WARS2: variants seen among roughly 807,000 people sequenced by gnomAD.
WARS2 encodes tryptophan--tRNA ligase, mitochondrial.
WARS2 carries 28 observed loss-of-function variants against 36.5 expected under a neutral mutation model. The observed-to-expected ratio is 0.77, with a 90% CI of 0.57 to 1.05. The LOEUF (loss-of-function observed/expected upper bound fraction) is 1.05. WARS2 is among the 50% of genes least tolerant of loss of function. The pLI is 0.00. For synonymous variants in WARS2, 174 were observed against 178.4 expected (o/e 0.98, Z 0.20); for missense variants, 435 against 456.8 (o/e 0.95, Z 0.44).
At chr1:119,130,153 A>G (rs1280471531) in intron 1 of WARS2, among the ~76,000 whole-genome samples, 1 of 152,190 alleles carries the variant, frequency 6.6e-6, no homozygotes. Context: ...GAAAAAAAAA[A>G]AGGCAATGTC....
At chr1:119,072,271 C>T (rs1233270290) in intron 2 of WARS2, among the ~76,000 whole-genome samples, 1 of 152,162 alleles carries the variant, frequency 6.6e-6, no homozygotes, top group Non-Finnish European at 1.5e-5. Context: ...GTCTAATGTT[C>T]ATTTCCAGGC....
intron 1 of WARS2, among the ~76,000 whole-genome samples, chr1:119,106,772 T>C (rs1191423027): frequency 6.6e-6 from 1 of 152,172 alleles, no homozygotes; most frequent in African/African-American, 2.4e-5. Flanking sequence ...GCCACAAATA[T>C]CCACATGCAG....
intron 1 of WARS2, among the ~76,000 whole-genome samples, chr1:119,107,248 T>A (rs998072661): frequency 2.0e-5 from 3 of 152,144 alleles, no homozygotes; most frequent in African/African-American, 7.2e-5. Flanking sequence ...TCTCCTAGTC[T>A]GTGGTTTGAC....
At chr1:119,071,056 G>A (rs572598056) in intron 2 of WARS2, among the ~76,000 whole-genome samples, 17 of 152,152 alleles carry the variant, frequency 1.1e-4, no homozygotes, top group African/African-American at 2.9e-4. Context: ...GGTGGCAGGC[G>A]CCTGTAATCC....
At chr1:119,107,651 G>C (rs1421617600) in intron 1 of WARS2, among the ~76,000 whole-genome samples, 2 of 149,140 alleles carry the variant, frequency 1.3e-5, no homozygotes, top group Admixed American at 1.3e-4. Context: ...CACTCTTATA[G>C]TTGGAGAAAT....
intron 3 of WARS2, among the ~76,000 whole-genome samples, chr1:119,044,372 A>T (rs1648618648): frequency 6.6e-6 from 1 of 152,222 alleles, no homozygotes; most frequent in Admixed American, 6.5e-5. Context: ...TATAAAAAGG[A>T]TTTCAACATT....
intron 1 of WARS2, among the ~76,000 whole-genome samples, chr1:119,090,553 T>G (rs966233473): frequency 1.3e-5 from 2 of 152,174 alleles, no homozygotes; most frequent in Non-Finnish European, 2.9e-5. Context: ...AAAAAACGCA[T>G]GTCATTTTTC....
At chr1:119,102,961 T>C (rs2101465366) in intron 1 of WARS2, among the ~76,000 whole-genome samples, 1 of 152,364 alleles carries the variant, frequency 6.6e-6, no homozygotes, top group Non-Finnish European at 1.5e-5. Context: ...CTGATTTCTC[T>C]AATTTTGTCT....
At chr1:119,137,136 C>G (rs1194695263) in intron 1 of WARS2, among the ~76,000 whole-genome samples, 1 of 152,138 alleles carries the variant, frequency 6.6e-6, no homozygotes, top group Non-Finnish European at 1.5e-5. Flanking sequence ...TGAACTAAGT[C>G]TGTAGCTAAA....
At chr1:119,080,801 T>C (rs752760566) in intron 1 of WARS2, among the ~76,000 whole-genome samples, 15 of 152,096 alleles carry the variant, frequency 9.9e-5, no homozygotes, top group Non-Finnish European at 1.2e-4. Flanking sequence ...TAGAAAAGAA[T>C]GAAAACGAAA....
intron 2 of WARS2, among the ~76,000 whole-genome samples, chr1:119,056,513 C>T (rs1649824977): frequency 6.9e-6 from 1 of 145,492 alleles, no homozygotes; most frequent in South Asian, 2.1e-4. Context: ...TATTTGTAGA[C>T]TTAGACTATA....
chr1:119,092,084 G>A (rs942162195), intron 1 of WARS2, among the ~76,000 whole-genome samples: 7 of 152,188 alleles, frequency 4.6e-5, no homozygotes, highest in Non-Finnish European at 8.8e-5. Context: ...GGTGGGATGC[G>A]TGGATCAAAG....
intron 1 of WARS2, among the ~76,000 whole-genome samples, chr1:119,090,556 C>T (rs1438543404): frequency 1.3e-5 from 2 of 152,100 alleles, no homozygotes; most frequent in African/African-American, 2.4e-5. Flanking sequence ...AAACGCATGT[C>T]ATTTTTCTGT....
At chr1:119,111,148 G>A (rs930216457) in intron 1 of WARS2, among the ~76,000 whole-genome samples, 1 of 152,110 alleles carries the variant, frequency 6.6e-6, no homozygotes, top group African/African-American at 2.4e-5. Flanking sequence ...TCTGAGGCTT[G>A]TTTAGTCTCT....
At chr1:119,137,606 G>A (rs1656603114) in intron 1 of WARS2, among the ~76,000 whole-genome samples, 1 of 152,064 alleles carries the variant, frequency 6.6e-6, no homozygotes, top group South Asian at 2.1e-4. Flanking sequence ...TCTGTGTTTG[G>A]CCAATGATGA....
At chr1:119,076,304 T>C (rs1445882301) in intron 2 of WARS2, 46 bp downstream of exon 2, 2 of 1,593,130 alleles carry the variant, frequency 1.3e-6, no homozygotes, top group African/African-American at 2.7e-5. Flanking sequence ...TTTCCTCAAA[T>C]AATCTACACA....
chr1:119,045,162 C>A (rs1333540444), intron 3 of WARS2, among the ~76,000 whole-genome samples: 1 of 152,180 alleles, frequency 6.6e-6, no homozygotes, highest in Admixed American at 6.5e-5. Flanking sequence ...CTGGACTCAA[C>A]TTGTTTAAAT....
intron 1 of WARS2, among the ~76,000 whole-genome samples, chr1:119,112,104 T>G (rs1654680738): frequency 6.6e-6 from 1 of 152,122 alleles, no homozygotes; most frequent in African/African-American, 2.4e-5. Flanking sequence ...GTATTTTTAG[T>G]AGAGACGGGG....
chr1:119,108,440 C>A (rs1654392290), intron 1 of WARS2, among the ~76,000 whole-genome samples: 1 of 151,918 alleles, frequency 6.6e-6, no homozygotes, highest in Non-Finnish European at 1.5e-5. Flanking sequence ...GGAATTGGCC[C>A]ATTTTATTTA....
Sources: gnomAD v4.1 joint callset for allele counts (sites outside exome capture counted in the v4.1 genomes callset) on GRCh38, gnomAD v4.1.1 for gene constraint, MANE v1.5 for transcripts, NCBI Gene and HGNC (gene_info 2026-07-23, HGNC 2026-07-21) for gene names.